Variants in OTOF observed in about 807,000 individuals in gnomAD.
The protein encoded by OTOF is fer-1-like family member 2.
In OTOF, 218 loss-of-function variants were observed where a neutral mutation model predicts 236.8. That is an observed-to-expected ratio of 0.92 (90% CI 0.82 to 1.03). The LOEUF is 1.03. Ranked by LOEUF, OTOF falls within the 50% of genes least tolerant of loss-of-function variation. The pLI is 0.00. For missense variants in OTOF, 2,590 were observed against 2,694.4 expected, an observed-to-expected ratio of 0.96 and a Z score of 0.86; for synonymous variants, 1,041 against 1,072.5, an observed-to-expected ratio of 0.97 and a Z score of 0.57.
chr2:26,492,623 G>T (rs1665877087), intron 9 of OTOF, among the ~76,000 whole-genome samples: 1 of 152,170 alleles, frequency 6.6e-6, no homozygotes, highest in Non-Finnish European at 1.5e-5. Context: ...ATGCTCAGTG[G>T]ATGTTTGTGT....
chr2:26,461,574 G>T lies in OTOF; in HGVS notation c.5533+122C>A, dbSNP rs1482087532. 2 of 1,385,106 alleles carry T rather than the reference G, an allele frequency of 1.4e-6. No homozygotes were observed. Among genetic ancestry groups the T allele is most frequent in the South Asian group, 1.2e-5 (1 of 83,800 alleles). 85.8% of individuals were successfully genotyped at this position (1,385,106 alleles called of 1,614,324 possible). A position where few individuals can be genotyped will look rare whatever the true frequency, so the allele number is the denominator to read the frequency against. On this transcript the variant is annotated intron_variant, in intron 43 of 46. Transcript: ENST00000272371. The surrounding 1 kb of genome is among the most constrained non-coding windows in gnomAD (Gnocchi z 6.2). Reference sequence around the variant, plus strand: ...AACCCCGTCGGACACCCCTGGCTCTGATGGACTGGAAGCAATGACCCCTTG... The same window carrying T: ...AACCCCGTCGGACACCCCTGGCTCTTATGGACTGGAAGCAATGACCCCTTG...
chr2:26,496,237 C>CATT lies in OTOF; in HGVS notation c.766-1165_766-1164insAAT, dbSNP rs540964310. ...GGAGCTTACCACAAATGATTAATGG[C>CATT]TTTTTTTTTTTTTTCACACTGAGTC... On this transcript the variant is annotated intron_variant, in intron 8 of 46. Coordinates refer to ENST00000272371, the MANE Select transcript of OTOF (RefSeq NM_194248.3). Among the ~76,000 whole-genome samples the CATT allele has an allele frequency of 2.1e-5, 3 of 140,384 alleles. No individual in the cohort carries two copies. In the East Asian group the frequency reaches 6.3e-4, roughly 29 times the overall value. 92.1% of individuals were successfully genotyped at this position (140,384 alleles called of 152,430 possible).
chr2:26,498,725 C>T (rs960029686), intron 8 of OTOF, among the ~76,000 whole-genome samples: 9 of 152,246 alleles, frequency 5.9e-5, no homozygotes, highest in East Asian at 5.8e-4. Flanking sequence ...TGGGAAAACC[C>T]GAGAGTAATA....
In OTOF at chr2:26,457,958, C is replaced by T. The variant is rs1029593701; in HGVS notation, c.*280G>A. 1 of 1,424,128 alleles carries T rather than the reference C, an allele frequency of 7.0e-7. No homozygotes were observed. Among genetic ancestry groups the T allele is most frequent in the African/African-American group, 1.4e-5 (1 of 71,108 alleles). 88.2% of individuals were successfully genotyped at this position (1,424,128 alleles called of 1,614,324 possible). On this transcript the variant is annotated 3_prime_UTR_variant, in exon 47 of 47. Coordinates refer to ENST00000272371, the MANE Select transcript of OTOF (RefSeq NM_194248.3). This position sits in a 1 kb window ranked among gnomAD's most constrained non-coding sequence, Gnocchi z 4.4. ...AGTGGACGCTGGGCTCCTCAGGCTC[C>T]CCAGGGGAGATGGGAAAGAGTCCAA...
rs371588016 is a variant in OTOF at position 26,473,170 on chromosome 2, C to T, written c.3695G>A (p.Arg1232Gln). 1.7e-5 allele frequency: 27 copies of T among 1,612,864 alleles called. No homozygotes were observed. The highest frequency in any genetic ancestry group is 2.2e-5 in the South Asian group (2 of 91,066). ...AVSSLRRFIY[R>Q]PPDRSAPSWN... ...GCTGGGGGCCGAGCGGTCTGGGGGC[C>T]GGTAGATGAAGCGTCGCAGGGAGCT... Residue 1232 changes from arginine (R) to glutamine (Q), a missense_variant, in exon 29 of 47, where the codon CGG becomes CAG. By Grantham distance (43) the Arg-to-Gln change is conservative. Transcript: ENST00000272371. This position sits in a 1 kb window ranked among gnomAD's most constrained non-coding sequence, Gnocchi z 7.2.
At chr2:26,533,369 A>G (rs947945381) in intron 2 of OTOF, among the ~76,000 whole-genome samples, 2 of 152,158 alleles carry the variant, frequency 1.3e-5, no homozygotes, top group African/African-American at 2.4e-5. Flanking sequence ...GCCTGGGCTC[A>G]GTATCCCGAG....
Position 26,483,137 on chromosome 2 carries a change from G to A in OTOF, c.1392+325C>T, listed in dbSNP as rs558511827. ...CACGTGTGCACGGGTGAGTGGGTGC[G>A]TGTCTGCATGTGTGAGTTGGTATGC... On this transcript the variant is annotated intron_variant, in intron 13 of 46. Coordinates refer to ENST00000272371, the MANE Select transcript of OTOF (RefSeq NM_194248.3). 1.4e-3 allele frequency among the ~76,000 whole-genome samples: 211 copies of A among 151,034 alleles called. 1 individual carries two copies. The highest frequency in any genetic ancestry group is 3.5e-3 in the Middle Eastern group (1 of 286).
Position 26,465,698 on chromosome 2 carries a change from G to T in OTOF, c.4773C>A (p.Thr1591=), listed in dbSNP as rs1664691704. Residue 1591 remains threonine, a synonymous_variant, in exon 38 of 47, where the codon ACC becomes ACA. Coordinates refer to ENST00000272371, the MANE Select transcript of OTOF (RefSeq NM_194248.3). ...ENRFYSKHRA[T]CGIAQTYSTH... Reference sequence around the variant, plus strand: ...TGGAGTAGGTCTGGGCGATGCCGCAGGTGGCGCGGTGCTTGCTGTAGAAGC... The same window carrying T: ...TGGAGTAGGTCTGGGCGATGCCGCATGTGGCGCGGTGCTTGCTGTAGAAGC... 1 of 1,614,274 alleles carries T rather than the reference G, an allele frequency of 6.2e-7. No homozygotes were observed. The highest frequency in any genetic ancestry group is 8.5e-7 in the Non-Finnish European group (1 of 1,180,042).
intron 26 of OTOF, 103 bp downstream of exon 26, chr2:26,474,410 C>A: frequency 1.0e-6 from 1 of 1,001,946 alleles, no homozygotes; most frequent in Non-Finnish European, 1.5e-6. Flanking sequence ...ACCCCCAGGC[C>A]CCAGACCCCA....
intron 11 of OTOF, among the ~76,000 whole-genome samples, chr2:26,486,245 TATGG>T (rs1166373996): frequency 7.8e-6 from 1 of 129,004 alleles, no homozygotes; most frequent in Admixed American, 8.5e-5. Flanking sequence ...TGGGTAGATA[TATGG>T]ATGGGTGGGT....
intron 5 of OTOF, among the ~76,000 whole-genome samples, chr2:26,506,847 TG>T (rs1666260879): frequency 6.6e-6 from 1 of 152,036 alleles, no homozygotes; most frequent in Non-Finnish European, 1.5e-5. Flanking sequence ...TAAAATTAGC[TG>T]GGTGTGGTGG....
chr2:26,531,901 C>T (rs181020981), intron 2 of OTOF, among the ~76,000 whole-genome samples: 13 of 152,102 alleles, frequency 8.5e-5, no homozygotes, highest in African/African-American at 3.1e-4. Context: ...TGATACCAGC[C>T]TGGCCAACAT....
chr2:26,534,836 G>T (rs1667030670), intron 2 of OTOF, among the ~76,000 whole-genome samples: 2 of 152,196 alleles, frequency 1.3e-5, no homozygotes, highest in African/African-American at 2.4e-5. Context: ...GGCAGAGTAA[G>T]ACGGAGAGAA....
chr2:26,467,827 C>T (rs977024395), intron 33 of OTOF, among the ~76,000 whole-genome samples: 2 of 152,158 alleles, frequency 1.3e-5, no homozygotes, highest in African/African-American at 2.4e-5. Flanking sequence ...CTCTTCTTGT[C>T]CATAATAATA....
chr2:26,473,814 C>T lies in OTOF; in HGVS notation c.3408+177G>A, dbSNP rs1422080522. On this transcript the variant is annotated intron_variant, in intron 27 of 46. Transcript: ENST00000272371. The surrounding 1 kb of genome is among the most constrained non-coding windows in gnomAD (Gnocchi z 7.2). ...TGCAGACAGGAGGGCTGGGCATGGTCCTGGGACATGGGAGTGCGACTTGGT... is the reference window on the plus strand; with the variant it reads ...TGCAGACAGGAGGGCTGGGCATGGTTCTGGGACATGGGAGTGCGACTTGGT... Among the ~76,000 whole-genome samples, 6 of 151,980 alleles carry T rather than the reference C, an allele frequency of 3.9e-5. No homozygotes were observed. The highest frequency in any genetic ancestry group is 5.9e-5 in the Non-Finnish European group (4 of 67,966).
chr2:26,518,950 G>T (rs1175867344), intron 4 of OTOF, 60 bp downstream of exon 4: 3 of 1,205,792 alleles, frequency 2.5e-6, no homozygotes, highest in Non-Finnish European at 3.6e-6. Context: ...GAGGCAGGGA[G>T]AACAGACCCC....
At position 26,477,211 on chromosome 2, in the gene OTOF, G is replaced by A. The variant is rs747330949; in HGVS notation, c.2484C>T (p.Cys828=). The A allele has an allele frequency of 6.2e-7, 1 of 1,610,636 alleles. No individual in the cohort carries two copies. Among genetic ancestry groups the A allele is most frequent in the Admixed American group, 1.7e-5 (1 of 59,880 alleles). ...AGCGCAGCTTCTGCAGGAAGTTCTG[G>A]CACAGCCTCAGCTTGTCCCGCACCG... ...RHTVRDKLRL[C]QNFLQKLRFL... Residue 828 remains cysteine (C), a synonymous_variant, in exon 21 of 47, where the codon TGC becomes TGT. Transcript: ENST00000272371. The surrounding 1 kb of genome is among the most constrained non-coding windows in gnomAD (Gnocchi z 4.7).
At chr2:26,531,597 G>T (rs1322029723) in intron 2 of OTOF, among the ~76,000 whole-genome samples, 1 of 152,068 alleles carries the variant, frequency 6.6e-6, no homozygotes, top group African/African-American at 2.4e-5. Context: ...CTTCTGCCTC[G>T]GCCTGTGGAT....
In OTOF at chr2:26,480,857, C is replaced by T. The variant is rs144907002; in HGVS notation, c.1732G>A (p.Val578Ile). 2.6e-5 allele frequency: 42 copies of T among 1,612,666 alleles called. No homozygotes were observed. The highest frequency in any genetic ancestry group is 3.1e-5 in the Non-Finnish European group (37 of 1,179,946). The change falls in exon 15 of 47, where the codon GTA becomes ATA. Residue 578 changes from valine (V) to isoleucine (I), a missense_variant. Physicochemically the swap from Val to Ile is conservative, Grantham distance 29. Coordinates refer to ENST00000272371, the MANE Select transcript of OTOF (RefSeq NM_194248.3). ...GTGAGCTCAGGGTTGGAGGTGTCTA[C>T]GATCTCCACAGCCAGGCCCAGCAGG... Reference protein sequence around the residue: ...RLLLGLAVEIVDTSNPELTSS... With the variant: ...RLLLGLAVEIIDTSNPELTSS...
Sources: gnomAD v4.1 joint callset for allele counts (sites outside exome capture counted in the v4.1 genomes callset) on GRCh38, gnomAD v4.1.1 for gene constraint, Gnocchi (gnomAD v3.1) non-coding constraint, MANE v1.5 for transcripts, NCBI Gene and HGNC (gene_info 2026-07-23, HGNC 2026-07-21) for gene names.